BBX: variants seen among roughly 807,000 people sequenced by gnomAD.
The protein encoded by BBX is HMG box transcription factor BBX.
In BBX, 30 loss-of-function variants were observed where a neutral mutation model predicts 100.2. That is an observed-to-expected ratio of 0.30 (90% CI 0.22 to 0.41). The LOEUF (loss-of-function observed/expected upper bound fraction) is 0.41, where lower values mean the gene tolerates loss of function less well. BBX is among the 10% of genes least tolerant of loss of function. The probability of loss-of-function intolerance (pLI) is 1.00; values close to 1 mark genes in which losing one functional copy is unlikely to be tolerated. For synonymous variants in BBX, 376 were observed against 388.1 expected (o/e 0.97, Z 0.37); for missense variants, 1,023 against 1,129.8 (o/e 0.91, Z 1.35).
chr3:107,632,720 A>G (rs918370675), intron 2 of BBX, among the ~76,000 whole-genome samples: 3 of 152,242 alleles, frequency 2.0e-5, no homozygotes, highest in Non-Finnish European at 4.4e-5. Flanking sequence ...TTAATTCTAC[A>G]AAGATATTAA....
chr3:107,784,302 C>T (rs2068197503), intron 13 of BBX, among the ~76,000 whole-genome samples: 1 of 151,874 alleles, frequency 6.6e-6, no homozygotes, highest in Non-Finnish European at 1.5e-5. Context: ...CACTACAAAC[C>T]AACTAGAACT....
At chr3:107,542,182 C>T (rs1266228364) in intron 2 of BBX, among the ~76,000 whole-genome samples, 1 of 151,888 alleles carries the variant, frequency 6.6e-6, no homozygotes, top group East Asian at 1.9e-4. Context: ...TTAAGTTCCC[C>T]AAGAGTAAAA....
chr3:107,584,053 ATT>A lies in BBX; in HGVS notation c.-84+57656_-84+57657del, dbSNP rs1491115116. 6.1e-5 allele frequency among the ~76,000 whole-genome samples: 2 copies of A among 32,576 alleles called. 1 individual carries two copies. The highest frequency in any genetic ancestry group is 3.2e-4 in the African/African-American group (2 of 6,312). The allele number at this position is 32,576 out of a possible 152,430, so 21.4% of individuals were successfully genotyped here. A position where few individuals can be genotyped will look rare whatever the true frequency, so the allele number is the denominator to read the frequency against. On this transcript the variant is annotated intron_variant, in intron 2 of 17. Transcript: ENST00000325805. Reference sequence around the variant, plus strand: ...TATATTAATTATATATATTATATATATTATATATATCATATATTATATATATT... The same window carrying A: ...TATATTAATTATATATATTATATATAATATATATCATATATTATATATATT...
chr3:107,562,774 G>A (rs1330275586), intron 2 of BBX, among the ~76,000 whole-genome samples: 1 of 152,108 alleles, frequency 6.6e-6, no homozygotes, highest in Non-Finnish European at 1.5e-5. Flanking sequence ...AATGGATGAA[G>A]AAGAATCAGG....
At chr3:107,718,300 ATATAAT>A (rs2062263211) in intron 5 of BBX, among the ~76,000 whole-genome samples, 1 of 147,916 alleles carries the variant, frequency 6.8e-6, no homozygotes, top group South Asian at 2.1e-4. Flanking sequence ...AATAGTATTA[ATATAAT>A]TATAATAATT....
chr3:107,613,321 G>A (rs939439803), intron 2 of BBX, among the ~76,000 whole-genome samples: 2 of 149,452 alleles, frequency 1.3e-5, no homozygotes, highest in African/African-American at 4.9e-5. Flanking sequence ...TGAGTAGCTG[G>A]GACTACAGGC....
At chr3:107,792,158 A>G (rs770209415) in intron 15 of BBX, among the ~76,000 whole-genome samples, 1 of 152,200 alleles carries the variant, frequency 6.6e-6, no homozygotes, top group East Asian at 1.9e-4. Context: ...GGTGAAGCCT[A>G]ATTTCTTCAA....
chr3:107,629,758 C>T (rs2056432157), intron 2 of BBX, among the ~76,000 whole-genome samples: 1 of 152,140 alleles, frequency 6.6e-6, no homozygotes, highest in Non-Finnish European at 1.5e-5. Context: ...ACATGTTTAT[C>T]AAATGTGGTG....
chr3:107,652,058 A>G (rs774122171), intron 3 of BBX, among the ~76,000 whole-genome samples: 58 of 152,138 alleles, frequency 3.8e-4, no homozygotes, highest in South Asian at 2.1e-4. Context: ...TTTCTATTAT[A>G]TAGTCTTTTA....
At chr3:107,725,435 C>T (rs1198917747) in intron 5 of BBX, among the ~76,000 whole-genome samples, 3 of 152,092 alleles carry the variant, frequency 2.0e-5, no homozygotes, top group African/African-American at 7.2e-5. Flanking sequence ...GCCAGAACTT[C>T]CAACACTATG....
At chr3:107,585,213 G>A (rs1406077726) in intron 2 of BBX, among the ~76,000 whole-genome samples, 1 of 152,142 alleles carries the variant, frequency 6.6e-6, no homozygotes, top group Non-Finnish European at 1.5e-5. Context: ...TTGCGATGAT[G>A]TGGAGAGGTG....
intron 9 of BBX, among the ~76,000 whole-genome samples, chr3:107,753,582 A>C (rs1239555310): frequency 6.6e-6 from 1 of 152,232 alleles, no homozygotes; most frequent in African/African-American, 2.4e-5. Context: ...AAAGGCAGGT[A>C]GTGCATCCAT....
At chr3:107,548,769 C>A (rs663923) in intron 2 of BBX, among the ~76,000 whole-genome samples, 16,576 of 152,140 alleles carry the variant, frequency 0.11, 1,010 homozygotes, top group Non-Finnish European at 0.12. Context: ...TTGGATACAG[C>A]AAATGTAGTA....
rs1047326609 is a variant in BBX, at chr3:107,807,487, G to A, written c.*2030G>A. The A allele has an allele frequency of 9.2e-5, 14 of 152,054 alleles. No homozygotes were observed. The highest frequency in any genetic ancestry group is 1.2e-4 in the Non-Finnish European group (8 of 68,000). The allele number at this position is 152,054 out of a possible 1,614,324, so 9.4% of individuals were successfully genotyped here. On this transcript the variant is annotated 3_prime_UTR_variant, in exon 18 of 18. Coordinates refer to ENST00000325805, the MANE Select transcript of BBX (RefSeq NM_001142568.3). ...TGGCTGTTGGAGTTTTGGACCACTC[G>A]CTAGCAGTGATTTGAAGATTATAAT...
intron 17 of BBX, among the ~76,000 whole-genome samples, chr3:107,802,949 C>T (rs1197471216): frequency 6.6e-6 from 1 of 152,198 alleles, no homozygotes; most frequent in Admixed American, 6.5e-5. Flanking sequence ...TCTTGTTGCT[C>T]CTGCATGCTA....
intron 2 of BBX, among the ~76,000 whole-genome samples, chr3:107,566,484 G>A (rs1229565851): frequency 6.6e-6 from 1 of 151,314 alleles, no homozygotes; most frequent in Non-Finnish European, 1.5e-5. Flanking sequence ...CTGTGCTGTG[G>A]AATAAGTCAC....
intron 3 of BBX, among the ~76,000 whole-genome samples, chr3:107,710,050 A>G (rs1204678057): frequency 6.6e-6 from 1 of 152,210 alleles, no homozygotes; most frequent in African/African-American, 2.4e-5. Context: ...GAACTCTTCA[A>G]CTCTCTTGGG....
At chr3:107,589,272 G>T (rs948091400) in intron 2 of BBX, among the ~76,000 whole-genome samples, 7 of 152,118 alleles carry the variant, frequency 4.6e-5, no homozygotes, top group African/African-American at 1.4e-4. Flanking sequence ...TCTTAGGAAG[G>T]TCAATAAATA....
chr3:107,788,656 T>C (rs2068684728), intron 13 of BBX, among the ~76,000 whole-genome samples: 1 of 151,456 alleles, frequency 6.6e-6, no homozygotes, highest in African/African-American at 2.4e-5. Flanking sequence ...CCACCTGTAG[T>C]CCTAGTTACT....
Sources: allele counts gnomAD v4.1 joint callset (sites outside exome capture counted in the v4.1 genomes callset), GRCh38; gene constraint gnomAD v4.1.1; transcripts MANE v1.5; gene names NCBI Gene and HGNC (gene_info 2026-07-23, HGNC 2026-07-21).